The following CLVS2 variants were observed in gnomAD, a reference collection of about 807,000 sequenced individuals.
The protein encoded by CLVS2 is clavesin 2, also known as clavesin-2.
CLVS2 carries 19 observed loss-of-function variants against 29.0 expected under a neutral mutation model. The observed-to-expected ratio is 0.66, with a 90% CI of 0.46 to 0.96. The LOEUF is 0.96. CLVS2 is among the 40% of genes least tolerant of loss of function. The pLI is 0.00. For synonymous variants in CLVS2, 161 were observed against 151.3 expected (o/e 1.06, Z -0.47); for missense variants, 294 against 404.1 (o/e 0.73, Z 2.34).
At position 123,064,303 on chromosome 6, in the gene CLVS2, T is replaced by C. The variant is rs943409656; in HGVS notation, c.*542T>C. 6.6e-6 allele frequency: 1 copy of C among 152,152 alleles called. No homozygotes were observed. The highest frequency in any genetic ancestry group is 2.4e-5 in the African/African-American group (1 of 41,430). The allele number at this position is 152,152 out of a possible 1,614,324, so 9.4% of individuals were successfully genotyped here. A position where few individuals can be genotyped will look rare whatever the true frequency, so the allele number is the denominator to read the frequency against. ...ATTTTCATTTCAGAGAAATGTGTCT[T>C]AGTAACTATCATTGGCCTTGCATTT... is the stretch of plus-strand genomic sequence containing the variant. On this transcript the variant is annotated 3_prime_UTR_variant, in exon 6 of 6. Transcript: ENST00000275162.
At chr6:123,055,392 A>G (rs1439377472) in intron 4 of CLVS2, among the ~76,000 whole-genome samples, 2 of 152,184 alleles carry the variant, frequency 1.3e-5, no homozygotes, top group African/African-American at 2.4e-5. Flanking sequence ...AGGCTCTGTA[A>G]TTGATGAGTC....
At chr6:123,007,543 G>T (rs1774687132) in intron 2 of CLVS2, among the ~76,000 whole-genome samples, 1 of 152,154 alleles carries the variant, frequency 6.6e-6, no homozygotes, top group Admixed American at 6.6e-5. Flanking sequence ...AGAGGTATTA[G>T]ATGTTTTCCT....
intron 3 of CLVS2, among the ~76,000 whole-genome samples, chr6:123,035,977 G>T (rs1266529950): frequency 3.3e-5 from 5 of 152,126 alleles, no homozygotes; most frequent in Non-Finnish European, 7.4e-5. Flanking sequence ...GATGTGTGTG[G>T]TCGTCCTGAT....
intron 3 of CLVS2, among the ~76,000 whole-genome samples, chr6:123,016,351 G>T: frequency 7.0e-6 from 1 of 142,432 alleles, no homozygotes; most frequent in South Asian, 2.5e-4. Context: ...GGGGGGAGGG[G>T]GAGGGTTACT....
rs1428771705 is a variant in CLVS2, at chr6:122,997,572, A to C, written c.-206A>C. On this transcript the variant is annotated 5_prime_UTR_variant, in exon 2 of 6. Coordinates refer to ENST00000275162, the MANE Select transcript of CLVS2 (RefSeq NM_001010852.4). ...TTTTAGGGGGCAGAGGAAGAAGTTT[A>C]CACCCCCCGGCCCCCCCAGCTTTGC... 4.9e-6 allele frequency: 3 copies of C among 606,528 alleles called. No homozygotes were observed. The highest frequency in any genetic ancestry group is 8.9e-6 in the Non-Finnish European group (3 of 338,096). 37.6% of individuals were successfully genotyped at this position (606,528 alleles called of 1,614,324 possible).
At chr6:123,059,258 A>C (rs976261915) in intron 5 of CLVS2, among the ~76,000 whole-genome samples, 1 of 152,078 alleles carries the variant, frequency 6.6e-6, no homozygotes, top group African/African-American at 2.4e-5. Context: ...TTTCCTCTTC[A>C]TTCTGGTCAC....
chr6:123,013,408 C>T (rs1448561027), intron 3 of CLVS2, among the ~76,000 whole-genome samples: 2 of 151,818 alleles, frequency 1.3e-5, no homozygotes, highest in African/African-American at 4.8e-5. Flanking sequence ...TTAAATAAGT[C>T]AATTAGAACT....
intron 2 of CLVS2, among the ~76,000 whole-genome samples, chr6:123,004,930 A>ACAAAAC (rs1774643150): frequency 1.0e-5 from 1 of 99,482 alleles, no homozygotes; most frequent in Non-Finnish European, 1.9e-5. Context: ...AAAAACAAAA[A>ACAAAAC]CAAAAACAAA....
intron 3 of CLVS2, among the ~76,000 whole-genome samples, chr6:123,035,926 T>G (rs1053098254): frequency 6.6e-6 from 1 of 152,132 alleles, no homozygotes; most frequent in Admixed American, 6.6e-5. Flanking sequence ...GGATGGACAT[T>G]TTTTCTTTAT....
chr6:123,029,624 T>C (rs1208844426), intron 3 of CLVS2, among the ~76,000 whole-genome samples: 1 of 152,130 alleles, frequency 6.6e-6, no homozygotes, highest in African/African-American at 2.4e-5. Flanking sequence ...AGGACATGAA[T>C]GCCACTGTAA....
intron 3 of CLVS2, among the ~76,000 whole-genome samples, chr6:123,034,785 T>C (rs1413839920): frequency 6.6e-6 from 1 of 152,086 alleles, no homozygotes; most frequent in Non-Finnish European, 1.5e-5. Context: ...ATTTCCTGGT[T>C]TTAGTCGTTA....
intron 3 of CLVS2, among the ~76,000 whole-genome samples, chr6:123,025,976 A>G (rs1484901009): frequency 3.9e-5 from 6 of 151,974 alleles, no homozygotes; most frequent in Admixed American, 2.0e-4. Flanking sequence ...ACTATTTATG[A>G]TATTTATTAT....
chr6:123,029,380 G>C (rs1775049799), intron 3 of CLVS2, among the ~76,000 whole-genome samples: 1 of 152,172 alleles, frequency 6.6e-6, no homozygotes, highest in African/African-American at 2.4e-5. Flanking sequence ...ATTAGTTCTT[G>C]CTTAGGGAAA....
At chr6:123,026,333 T>G (rs960205470) in intron 3 of CLVS2, among the ~76,000 whole-genome samples, 1 of 152,162 alleles carries the variant, frequency 6.6e-6, no homozygotes, top group African/African-American at 2.4e-5. Context: ...AACATAATAT[T>G]TTCACTCTAA....
chr6:123,047,907 A>G (rs1332924496), intron 3 of CLVS2, among the ~76,000 whole-genome samples: 1 of 152,118 alleles, frequency 6.6e-6, no homozygotes, highest in African/African-American at 2.4e-5. Context: ...ATATTTTGGA[A>G]TGGGCTAGGG....
At chr6:122,999,106 TA>T (rs1774552758) in intron 2 of CLVS2, among the ~76,000 whole-genome samples, 1 of 152,214 alleles carries the variant, frequency 6.6e-6, no homozygotes, top group Admixed American at 6.5e-5. Context: ...TCATGGGACT[TA>T]AAATGCTACC....
chr6:123,042,865 A>G (rs1222268816), intron 3 of CLVS2, among the ~76,000 whole-genome samples: 20 of 152,180 alleles, frequency 1.3e-4, no homozygotes, highest in Non-Finnish European at 2.9e-4. Context: ...AACAGCTAAT[A>G]CAACATTCTA....
At chr6:123,008,395 A>G (rs1357392380) in intron 2 of CLVS2, among the ~76,000 whole-genome samples, 1 of 152,078 alleles carries the variant, frequency 6.6e-6, no homozygotes, top group African/African-American at 2.4e-5. Flanking sequence ...TTGATTTTGA[A>G]ACAGTTTAGG....
chr6:123,047,013 A>T (rs1582661065), intron 3 of CLVS2, among the ~76,000 whole-genome samples: 2 of 152,056 alleles, frequency 1.3e-5, no homozygotes, highest in South Asian at 4.1e-4. Flanking sequence ...GGTGCTCAGG[A>T]GGAAAGACTA....
Sources: allele counts gnomAD v4.1 joint callset (sites outside exome capture counted in the v4.1 genomes callset), GRCh38; gene constraint gnomAD v4.1.1; transcripts MANE v1.5; gene names NCBI Gene and HGNC (gene_info 2026-07-23, HGNC 2026-07-21).